Variants in SOX5 observed in about 807,000 individuals in gnomAD.
SOX5 encodes the protein SRY-box transcription factor 5, also known as transcription factor SOX-5.
In SOX5, 9 loss-of-function variants were observed where a neutral mutation model predicts 92.0. The ratio of observed to expected loss-of-function variants is 0.10; its 90% CI spans 0.06 to 0.17. The LOEUF is 0.17. Among genes scored for constraint, SOX5 ranks in the 10% least tolerant of loss-of-function variants. The pLI, the probability that SOX5 is intolerant of heterozygous loss-of-function variation, is 1.00. For synonymous variants in SOX5, 344 were observed against 336.3 expected, an observed-to-expected ratio of 1.02 and a Z score of -0.25; for missense variants, 642 against 944.5, an observed-to-expected ratio of 0.68 and a Z score of 4.20.
chr12:23,702,988 A>G (rs2090879890), intron 6 of SOX5, among the ~76,000 whole-genome samples: 2 of 152,028 alleles, frequency 1.3e-5, no homozygotes, highest in Admixed American at 1.3e-4. Flanking sequence ...TTCCTGAAAG[A>G]CTGAATCTTG....
chr12:24,015,695 T>C (rs1001677458), intron 4 of SOX5, among the ~76,000 whole-genome samples: 2 of 152,142 alleles, frequency 1.3e-5, no homozygotes, highest in Non-Finnish European at 2.9e-5. Context: ...TACAATACAA[T>C]GCAATAAGCA....
At position 23,531,030 on chromosome 12, in the gene SOX5, C is replaced by T. The variant is rs1938972396; in HGVS notation, c.*3189G>A. On this transcript the variant is annotated 3_prime_UTR_variant, in exon 15 of 15. Coordinates refer to ENST00000451604, the MANE Select transcript of SOX5 (RefSeq NM_006940.6). ...ATCCTTTACCAAAATTATAAATCAA[C>T]CAATGCCAAAAAGGCAATGTAGTAA... 1 of 151,996 alleles carries T rather than the reference C, an allele frequency of 6.6e-6. No individual in the cohort carries two copies. The highest frequency in any genetic ancestry group is 1.5e-5 in the Non-Finnish European group (1 of 68,012). The allele number at this position is 151,996 out of a possible 1,614,324, so 9.4% of individuals were successfully genotyped here.
chr12:24,252,812 C>A (rs558712887), intron 3 of SOX5, among the ~76,000 whole-genome samples: 3 of 152,240 alleles, frequency 2.0e-5, no homozygotes, highest in Admixed American at 6.5e-5. Flanking sequence ...TGTTACAAGC[C>A]CTTTTACAGC....
At chr12:23,603,467 T>TATAAAATATATATATATATATATATATA (rs1566226312) in intron 9 of SOX5, among the ~76,000 whole-genome samples, 1 of 92,050 alleles carries the variant, frequency 1.1e-5, no homozygotes, top group Non-Finnish European at 2.9e-5. Flanking sequence ...TATATATATA[T>TATAAAATATATATATATATATATATATA]TTTGCTGGTA....
At chr12:24,194,238 G>A (rs1242830075) in intron 4 of SOX5, among the ~76,000 whole-genome samples, 2 of 152,162 alleles carry the variant, frequency 1.3e-5, no homozygotes, top group Non-Finnish European at 2.9e-5. Flanking sequence ...CATCCATTTT[G>A]TAAAGGGCAC....
chr12:24,100,394 C>T (rs968949369), intron 4 of SOX5, among the ~76,000 whole-genome samples: 1 of 152,142 alleles, frequency 6.6e-6, no homozygotes, highest in African/African-American at 2.4e-5. Context: ...GACTACATTT[C>T]ACCAAAGTCA....
At chr12:23,687,360 T>C (rs1208374437) in intron 6 of SOX5, among the ~76,000 whole-genome samples, 1 of 152,152 alleles carries the variant, frequency 6.6e-6, no homozygotes, top group East Asian at 1.9e-4. Context: ...AATATATGTG[T>C]ATACGGTGTC....
chr12:24,474,182 C>T (rs990916595), intron 1 of SOX5, among the ~76,000 whole-genome samples: 2 of 151,926 alleles, frequency 1.3e-5, no homozygotes, highest in African/African-American at 4.8e-5. Flanking sequence ...TGAAATAAAA[C>T]AATGAGATTT....
At chr12:23,959,961 T>G (rs1260660393) in intron 4 of SOX5, among the ~76,000 whole-genome samples, 2 of 152,208 alleles carry the variant, frequency 1.3e-5, no homozygotes, top group African/African-American at 2.4e-5. Flanking sequence ...AGAGTTTACT[T>G]CCTACACCTA....
intron 1 of SOX5, among the ~76,000 whole-genome samples, chr12:24,524,994 T>C (rs553251671): frequency 2.2e-3 from 332 of 152,242 alleles, no homozygotes; most frequent in African/African-American, 7.4e-3. Flanking sequence ...CAGAGGCTCC[T>C]CAAAAAATTA....
At chr12:23,704,508 T>C (rs182723648) in intron 6 of SOX5, among the ~76,000 whole-genome samples, 40 of 151,554 alleles carry the variant, frequency 2.6e-4, no homozygotes, top group African/African-American at 8.9e-4. Flanking sequence ...CTACCTTGTA[T>C]GACTCTACAA....
intron 4 of SOX5, among the ~76,000 whole-genome samples, chr12:23,956,308 A>T (rs781328821): frequency 1.3e-5 from 2 of 152,128 alleles, no homozygotes; most frequent in African/African-American, 2.4e-5. Context: ...TAAGGCAGGG[A>T]TCTCCAACCC....
intron 4 of SOX5, among the ~76,000 whole-genome samples, chr12:24,101,802 T>C (rs1946124549): frequency 6.6e-6 from 1 of 152,186 alleles, no homozygotes; most frequent in African/African-American, 2.4e-5. Flanking sequence ...ATGCAAGCTG[T>C]TCTTAACATT....
chr12:24,413,453 A>G (rs1964476471), intron 1 of SOX5, among the ~76,000 whole-genome samples: 1 of 152,222 alleles, frequency 6.6e-6, no homozygotes, highest in African/African-American at 2.4e-5. Context: ...ACACAAGGCC[A>G]CAGGTGAATC....
At chr12:24,196,516 G>C (rs1277795263) in intron 4 of SOX5, among the ~76,000 whole-genome samples, 1 of 152,114 alleles carries the variant, frequency 6.6e-6, no homozygotes, top group African/African-American at 2.4e-5. Flanking sequence ...TTTTTAAGGG[G>C]GGGTCAACCA....
chr12:24,327,329 C>T (rs1402451854), intron 2 of SOX5, among the ~76,000 whole-genome samples: 3 of 145,012 alleles, frequency 2.1e-5, no homozygotes, highest in Admixed American at 7.1e-5. Flanking sequence ...CTGAAAATGT[C>T]CATACAGATG....
chr12:24,353,559 G>T (rs1954390231), intron 2 of SOX5, among the ~76,000 whole-genome samples: 1 of 152,070 alleles, frequency 6.6e-6, no homozygotes, highest in African/African-American at 2.4e-5. Context: ...AAATGATAAT[G>T]CTTTGCATAG....
chr12:23,776,461 G>A (rs2095102282), intron 3 of SOX5, among the ~76,000 whole-genome samples: 1 of 152,154 alleles, frequency 6.6e-6, no homozygotes, highest in African/African-American at 2.4e-5. Flanking sequence ...TATAGAAACA[G>A]AACTTTAGAG....
chr12:24,532,161 C>A (rs138133503), intron 1 of SOX5, among the ~76,000 whole-genome samples: 2 of 152,188 alleles, frequency 1.3e-5, no homozygotes, highest in African/African-American at 4.8e-5. Flanking sequence ...CTTTTTCTAT[C>A]TATGTAATAC....
Sources: allele counts gnomAD v4.1 joint callset (sites outside exome capture counted in the v4.1 genomes callset), GRCh38; gene constraint gnomAD v4.1.1; transcripts MANE v1.5; gene names NCBI Gene and HGNC (gene_info 2026-07-23, HGNC 2026-07-21).